The following MAPK10 variants were observed in gnomAD, a reference collection of about 807,000 sequenced individuals.
MAPK10 encodes the protein mitogen-activated protein kinase 10.
Under a neutral mutation model 59.3 loss-of-function variants are expected in MAPK10, and 25 were observed. The ratio of observed to expected loss-of-function variants is 0.42; its 90% confidence interval spans 0.31 to 0.59. The LOEUF is 0.59. Among genes scored for constraint, MAPK10 ranks in the 20% least tolerant of loss-of-function variants. The pLI is 0.15. For missense variants in MAPK10, 351 were observed against 568.9 expected (o/e 0.62, Z 3.90); for synonymous variants, 190 against 200.5 (o/e 0.95, Z 0.44).
intron 3 of MAPK10, among the ~76,000 whole-genome samples, chr4:86,171,229 C>G (rs1029242347): frequency 1.6e-4 from 25 of 151,764 alleles, no homozygotes; most frequent in Non-Finnish European, 3.2e-4. Context: ...AAAATCAGAG[C>G]AGAACTGAAG....
chr4:86,068,249 G>T (rs2047112786), intron 9 of MAPK10, among the ~76,000 whole-genome samples: 1 of 152,058 alleles, frequency 6.6e-6, no homozygotes, highest in African/African-American at 2.4e-5. Context: ...AACACAAGAT[G>T]AATCTCATAT....
intron 1 of MAPK10, among the ~76,000 whole-genome samples, chr4:86,489,191 G>A (rs1406527737): frequency 1.3e-5 from 2 of 152,064 alleles, no homozygotes; most frequent in African/African-American, 4.8e-5. Context: ...AGCTAAGCCG[G>A]GACAACCACC....
At chr4:86,547,145 G>A (rs1304224571) in intron 1 of MAPK10, among the ~76,000 whole-genome samples, 1 of 152,234 alleles carries the variant, frequency 6.6e-6, no homozygotes, top group Non-Finnish European at 1.5e-5. Context: ...ATAGTGAGAG[G>A]TGACAGCTTG....
At chr4:86,401,659 T>C (rs1006857418) in intron 1 of MAPK10, among the ~76,000 whole-genome samples, 2 of 152,204 alleles carry the variant, frequency 1.3e-5, no homozygotes, top group African/African-American at 4.8e-5. Flanking sequence ...ATAATCTCTA[T>C]GTCTATTTTA....
chr4:86,201,776 T>C (rs768811624), intron 2 of MAPK10, among the ~76,000 whole-genome samples: 1 of 151,836 alleles, frequency 6.6e-6, no homozygotes, highest in Non-Finnish European at 1.5e-5. Flanking sequence ...CACAGAGATA[T>C]TCTCCTATAT....
At chr4:86,070,286 T>A (rs1007285802) in intron 9 of MAPK10, among the ~76,000 whole-genome samples, 1 of 152,176 alleles carries the variant, frequency 6.6e-6, no homozygotes, top group Admixed American at 6.5e-5. Flanking sequence ...GTTTTCTAGA[T>A]GTTCATAGAA....
intron 4 of MAPK10, among the ~76,000 whole-genome samples, chr4:86,144,518 T>G (rs1238029310): frequency 6.6e-6 from 1 of 152,158 alleles, no homozygotes; most frequent in Non-Finnish European, 1.5e-5. Context: ...AGAGCATACA[T>G]TTACATTCCA....
intron 2 of MAPK10, among the ~76,000 whole-genome samples, chr4:86,236,382 T>C (rs116391606): frequency 2.7e-4 from 41 of 152,242 alleles, no homozygotes; most frequent in African/African-American, 9.4e-4. Flanking sequence ...TGAGTAGATG[T>C]TAGCTAACTG....
chr4:86,245,778 CA>C (rs150819158), intron 2 of MAPK10, among the ~76,000 whole-genome samples: 1 of 152,278 alleles, frequency 6.6e-6, no homozygotes, highest in African/African-American at 2.4e-5. Context: ...CCAGTTCTGC[CA>C]CCAACTGTAC....
At chr4:86,325,604 T>A (rs2096005438) in intron 2 of MAPK10, among the ~76,000 whole-genome samples, 1 of 152,224 alleles carries the variant, frequency 6.6e-6, no homozygotes, top group Non-Finnish European at 1.5e-5. Flanking sequence ...TTCAAAAAGA[T>A]ATGACTGTAT....
intron 1 of MAPK10, among the ~76,000 whole-genome samples, chr4:86,518,697 G>A (rs139110259): frequency 2.5e-4 from 38 of 149,710 alleles, no homozygotes; most frequent in African/African-American, 9.1e-4. Flanking sequence ...TCTTTGAGAT[G>A]TGAGCTTAGA....
intron 2 of MAPK10, among the ~76,000 whole-genome samples, chr4:86,310,993 G>C (rs10516773): frequency 0.26 from 39,005 of 150,458 alleles, 5,295 homozygotes; most frequent in South Asian, 0.42. Flanking sequence ...ACAATATTAA[G>C]ACACCTGATC....
At chr4:86,455,230 A>C (rs1048805452), upstream of MAPK10, among the ~76,000 whole-genome samples, 1 of 152,120 alleles carries the variant, frequency 6.6e-6, no homozygotes, top group African/African-American at 2.4e-5. Flanking sequence ...ACAACAACAA[A>C]AAAAACAAGG....
chr4:86,216,358 A>T (rs2087626972), intron 2 of MAPK10, among the ~76,000 whole-genome samples: 1 of 149,976 alleles, frequency 6.7e-6, no homozygotes. Flanking sequence ...TTCACCCTTA[A>T]AAAGGAAGGA....
chr4:86,551,582 C>T (rs1759788497), intron 1 of MAPK10, among the ~76,000 whole-genome samples: 1 of 150,902 alleles, frequency 6.6e-6, no homozygotes, highest in Non-Finnish European at 1.5e-5. Flanking sequence ...TTCTTTCTCT[C>T]TCTCTCTCTC....
intron 4 of MAPK10, chr4:86,124,097 GTTAC>G (rs959384877): frequency 3.3e-5 from 5 of 151,828 alleles, no homozygotes; most frequent in African/African-American, 9.7e-5. Flanking sequence ...TTGAAGATAG[GTTAC>G]TTATTTTTTC....
intron 1 of MAPK10, among the ~76,000 whole-genome samples, chr4:86,544,137 C>T (rs760033363): frequency 1.8e-4 from 27 of 152,026 alleles, no homozygotes; most frequent in Non-Finnish European, 1.0e-4. Context: ...CAAAGAATGC[C>T]GGAGACAGGT....
At chr4:86,388,358 T>G (rs1302139694) in intron 1 of MAPK10, among the ~76,000 whole-genome samples, 3 of 152,070 alleles carry the variant, frequency 2.0e-5, no homozygotes, top group African/African-American at 7.2e-5. Flanking sequence ...AATGTTTGAG[T>G]AGTAACTTAT....
chr4:86,513,500 C>G (rs971642158), intron 1 of MAPK10, among the ~76,000 whole-genome samples: 6 of 152,174 alleles, frequency 3.9e-5, no homozygotes, highest in African/African-American at 1.4e-4. Context: ...ATGTCTGTAG[C>G]TATTGCTAAT....
Sources: allele counts gnomAD v4.1 joint callset (sites outside exome capture counted in the v4.1 genomes callset), GRCh38; gene constraint gnomAD v4.1.1; transcripts MANE v1.5; gene names NCBI Gene and HGNC (gene_info 2026-07-23, HGNC 2026-07-21).